SDK1: variants seen among roughly 807,000 people sequenced by gnomAD.
The protein encoded by SDK1 is protein sidekick-1.
SDK1 carries 157 observed loss-of-function variants against 245.5 expected under a neutral mutation model. The observed-to-expected ratio is 0.64, with a 90% confidence interval of 0.56 to 0.73. SDK1 has a LOEUF of 0.73. SDK1 is among the 30% of genes least tolerant of loss of function. SDK1 has a pLI of 0.00. For synonymous variants in SDK1, 1,647 were observed against 1,278.5 expected (o/e 1.29, Z -6.15); for missense variants, 3,583 against 3,002.3 (o/e 1.19, Z -4.52).
intron 4 of SDK1, among the ~76,000 whole-genome samples, chr7:3,803,093 A>C (rs1779146491): frequency 6.6e-6 from 1 of 152,206 alleles, no homozygotes; most frequent in Non-Finnish European, 1.5e-5. Context: ...TCAGCAACAT[A>C]TGAGAGCTCC....
intron 32 of SDK1, among the ~76,000 whole-genome samples, chr7:4,169,501 A>T (rs1346020047): frequency 6.6e-6 from 1 of 152,172 alleles, no homozygotes; most frequent in African/African-American, 2.4e-5. Flanking sequence ...AGGGCAGCTC[A>T]AACGCCATTC....
intron 1 of SDK1, among the ~76,000 whole-genome samples, chr7:3,404,068 G>C (rs1347198718): frequency 2.0e-5 from 3 of 151,132 alleles, no homozygotes; most frequent in Non-Finnish European, 4.4e-5. Flanking sequence ...GCTAACAAGA[G>C]TACATACCTT....
At chr7:3,678,638 T>TGGGA (rs1393422241) in intron 4 of SDK1, among the ~76,000 whole-genome samples, 4 of 151,994 alleles carry the variant, frequency 2.6e-5, no homozygotes, top group Admixed American at 2.6e-4. Context: ...GAGGGAGAGA[T>TGGGA]GGGAGTTACT....
At position 3,877,029 on chromosome 7, in the gene SDK1, T is replaced by A. The variant is rs79554047; in HGVS notation, c.847+55446T>A. The stretch of plus-strand genomic sequence containing the variant: ...TCCCATATTTCCTTTGTATAAATCT[T>A]CATTCTTACATTCAGAGGTGACGTG... On this transcript the variant is annotated intron_variant, in intron 5 of 44. Coordinates refer to ENST00000404826, the MANE Select transcript of SDK1 (RefSeq NM_152744.4). 5.0e-3 allele frequency among the ~76,000 whole-genome samples: 762 copies of A among 152,326 alleles called. 7 individuals carry two copies. The highest frequency in any genetic ancestry group is 0.018 in the African/African-American group (731 of 41,564).
At chr7:3,788,324 G>A (rs570741652) in intron 4 of SDK1, among the ~76,000 whole-genome samples, 2 of 152,288 alleles carry the variant, frequency 1.3e-5, no homozygotes, top group East Asian at 3.9e-4. Context: ...AACAGGGTGT[G>A]CGGTCAGTGT....
At chr7:3,409,565 C>G (rs1324241035) in intron 1 of SDK1, among the ~76,000 whole-genome samples, 1 of 152,128 alleles carries the variant, frequency 6.6e-6, no homozygotes. Flanking sequence ...GCTCCAGAAT[C>G]CAGTCCTTTT....
At chr7:4,048,198 G>C (rs1313656651) in intron 17 of SDK1, among the ~76,000 whole-genome samples, 1 of 152,094 alleles carries the variant, frequency 6.6e-6, no homozygotes. Context: ...TTCTTTCTCT[G>C]CGTGGATCCA....
At chr7:3,637,929 T>C (rs1378860437) in intron 2 of SDK1, among the ~76,000 whole-genome samples, 1 of 152,232 alleles carries the variant, frequency 6.6e-6, no homozygotes, top group African/African-American at 2.4e-5. Flanking sequence ...CCTGAAAGTG[T>C]TGTTTGCCTC....
intron 35 of SDK1, among the ~76,000 whole-genome samples, chr7:4,191,579 C>G (rs150518598): frequency 6.6e-6 from 1 of 152,248 alleles, no homozygotes; most frequent in Non-Finnish European, 1.5e-5. Flanking sequence ...CCGAAGGGAG[C>G]GAGAGAGCCC....
rs138011826 is a variant in SDK1 at position 3,962,839 on chromosome 7, C to T, written c.1417C>T (p.Leu473=). ...EGGEIQTHTY[L]DVTNIAPVFT... ...AGGGGAGATCCAGACCCACACCTAC[C>T]TGGATGTAACCAGTGAGTACACCCA... is the stretch of plus-strand genomic sequence containing the variant. The change falls in exon 9 of 45, where the codon CTG becomes TTG. Residue 473 remains leucine (L), a synonymous_variant. Transcript: ENST00000404826. 3,609 of 1,612,032 alleles carry T rather than the reference C, an allele frequency of 2.2e-3. 6 individuals carry two copies. Among genetic ancestry groups the T allele is most frequent in the Non-Finnish European group, 2.7e-3 (3,202 of 1,179,238 alleles).
intron 14 of SDK1, among the ~76,000 whole-genome samples, chr7:3,995,798 T>A (rs1393711417): frequency 1.3e-5 from 2 of 148,764 alleles, no homozygotes; most frequent in Non-Finnish European, 3.0e-5. Context: ...TTGCCCCATT[T>A]ATCTATCCAA....
chr7:4,195,917 AC>A (rs767419034), intron 35 of SDK1, among the ~76,000 whole-genome samples: 2 of 151,764 alleles, frequency 1.3e-5, no homozygotes, highest in Non-Finnish European at 2.9e-5. Flanking sequence ...CATGACAGAA[AC>A]CCCAGCCTCA....
At chr7:4,041,310 T>G (rs1160871531) in intron 17 of SDK1, among the ~76,000 whole-genome samples, 6 of 145,234 alleles carry the variant, frequency 4.1e-5, no homozygotes, top group African/African-American at 1.6e-4. Flanking sequence ...TTTGGAGTAC[T>G]TTCAGATTCA....
At chr7:3,578,526 G>T (rs1780376522) in intron 1 of SDK1, among the ~76,000 whole-genome samples, 1 of 151,948 alleles carries the variant, frequency 6.6e-6, no homozygotes, top group Admixed American at 6.6e-5. Flanking sequence ...CCCAATCCTG[G>T]TAAGCCTGAG....
intron 4 of SDK1, among the ~76,000 whole-genome samples, chr7:3,729,526 C>T (rs1399131169): frequency 1.3e-5 from 2 of 152,198 alleles, no homozygotes; most frequent in African/African-American, 2.4e-5. Context: ...CACAACCTCT[C>T]ACAGCAAAGA....
At chr7:3,599,257 A>G (rs983855635) in intron 1 of SDK1, among the ~76,000 whole-genome samples, 1 of 152,094 alleles carries the variant, frequency 6.6e-6, no homozygotes, top group Non-Finnish European at 1.5e-5. Context: ...CTGATTTGCC[A>G]TCTGTAGATT....
At chr7:4,057,922 CA>C (rs1779299582) in intron 19 of SDK1, among the ~76,000 whole-genome samples, 2 of 152,096 alleles carry the variant, frequency 1.3e-5, no homozygotes, top group South Asian at 2.1e-4. Context: ...TTTATGAAAG[CA>C]AATCCAAAAA....
chr7:3,428,386 G>A (rs958251201), intron 1 of SDK1, among the ~76,000 whole-genome samples: 2 of 152,164 alleles, frequency 1.3e-5, no homozygotes, highest in African/African-American at 2.4e-5. Context: ...CAAGGACTGC[G>A]AGTATGTTAT....
At chr7:3,967,647 T>C (rs1483751409) in intron 10 of SDK1, among the ~76,000 whole-genome samples, 1 of 152,234 alleles carries the variant, frequency 6.6e-6, no homozygotes, top group Admixed American at 6.5e-5. Context: ...TGGGGGCTGA[T>C]GGTCTAAGGA....
Sources: allele counts gnomAD v4.1 joint callset (sites outside exome capture counted in the v4.1 genomes callset), GRCh38; gene constraint gnomAD v4.1.1; transcripts MANE v1.5; gene names NCBI Gene and HGNC (gene_info 2026-07-23, HGNC 2026-07-21).